The following PCDHGA2 variants were observed in gnomAD, a reference collection of about 807,000 sequenced individuals.
The protein encoded by PCDHGA2 is protocadherin gamma subfamily A, 2.
Under a neutral mutation model 59.2 loss-of-function variants are expected in PCDHGA2, and 40 were observed. That is an observed-to-expected ratio of 0.68 (90% CI 0.52 to 0.88). PCDHGA2 has a LOEUF of 0.88. Ranked by LOEUF, PCDHGA2 falls within the 40% of genes least tolerant of loss-of-function variation. The pLI is 0.00. For synonymous variants in PCDHGA2, 560 were observed against 526.0 expected (o/e 1.06, Z -0.89); for missense variants, 1,226 against 1,204.0 (o/e 1.02, Z -0.27).
chr5:141,400,743 C>G (rs1404866842), intron 1 of PCDHGA2: 1 of 611,332 alleles, frequency 1.6e-6, no homozygotes, highest in Non-Finnish European at 2.8e-6. Flanking sequence ...AGAGTTTGCT[C>G]TTAGCTTCCT....
intron 1 of PCDHGA2, chr5:141,376,398 A>C (rs1266114748): frequency 6.2e-7 from 1 of 1,614,080 alleles, no homozygotes; most frequent in Admixed American, 1.7e-5. Context: ...ATTTTCCCCC[A>C]GCCCAACTAT....
At chr5:141,356,338 G>T in intron 1 of PCDHGA2, 2 of 1,554,674 alleles carry the variant, frequency 1.3e-6, no homozygotes, top group Non-Finnish European at 1.7e-6. Flanking sequence ...AGGAGGAAAT[G>T]GCCTAGTCAC....
chr5:141,382,592 A>C (rs1264942970), intron 1 of PCDHGA2: 2 of 246,462 alleles, frequency 8.1e-6, no homozygotes, highest in Non-Finnish European at 1.5e-5. Flanking sequence ...TTGAAAGATG[A>C]AACAATTTTC....
In PCDHGA2 at chr5:141,495,260, G is replaced by A. The variant is rs368797742; in HGVS notation, c.2483+395G>A. On this transcript the variant is annotated intron_variant, in intron 2 of 3. Transcript: ENST00000394576. ...TATGACCTGGGGCTCAGGCAGAAAA[G>A]CATTTGACCGGAGGAGGCGGTCCGC... Among the ~76,000 whole-genome samples the A allele has an allele frequency of 3.3e-5, 5 of 152,208 alleles. No individual in the cohort carries two copies. The East Asian group carries it at 5.8e-4, about 18-fold the overall frequency.
chr5:141,365,656 A>G (rs923075599), intron 1 of PCDHGA2: 1 of 1,613,518 alleles, frequency 6.2e-7, no homozygotes, highest in Admixed American at 1.7e-5. Flanking sequence ...CCTTGAAAGT[A>G]GCAGACGTTA....
chr5:141,376,384 T>G, intron 1 of PCDHGA2: 1 of 1,614,204 alleles, frequency 6.2e-7, no homozygotes, highest in South Asian at 1.1e-5. Flanking sequence ...GTAAGAGTCA[T>G]CTGATTTTCC....
At position 141,499,506 on chromosome 5, in the gene PCDHGA2, CA is replaced by C. The variant is rs759983739; in HGVS notation, c.2483+4644del. Among the ~76,000 whole-genome samples, 6 of 152,086 alleles carry C rather than the reference CA, an allele frequency of 3.9e-5. No homozygotes were observed. The South Asian group carries it at 1.0e-3, about 26-fold the overall frequency. On this transcript the variant is annotated intron_variant, in intron 2 of 3. Coordinates refer to ENST00000394576, the MANE Select transcript of PCDHGA2 (RefSeq NM_018915.4). Reference sequence around the variant, plus strand: ...AACTACAGTTTAATATGAAACATTTCAAATATGTACAAAAGTAGAGAGAATG... The same window carrying C: ...AACTACAGTTTAATATGAAACATTTCAATATGTACAAAAGTAGAGAGAATG...
chr5:141,490,611 G>A lies in PCDHGA2; in HGVS notation c.2425-4196G>A, dbSNP rs1442281165. 1 of 1,614,052 alleles carries A rather than the reference G, an allele frequency of 6.2e-7. No homozygotes were observed. The highest frequency in any genetic ancestry group is 1.3e-5 in the African/African-American group (1 of 74,914). On this transcript the variant is annotated intron_variant, in intron 1 of 3. Coordinates refer to ENST00000394576, the MANE Select transcript of PCDHGA2 (RefSeq NM_018915.4). This position sits in a 1 kb window ranked among gnomAD's most constrained non-coding sequence, Gnocchi z 5.4. ...ACAATGCACCCCGCTTCAACCAGCA[G>A]CTTTACACTGCTTACATCCTAGAAA...
chr5:141,478,096 T>C (rs749277013), intron 1 of PCDHGA2: 1 of 1,614,074 alleles, frequency 6.2e-7, no homozygotes, highest in South Asian at 1.1e-5. Context: ...CCACCACTGC[T>C]ACCCTCACTG....
intron 1 of PCDHGA2, among the ~76,000 whole-genome samples, chr5:141,353,136 C>A (rs1301733599): frequency 6.6e-6 from 1 of 151,954 alleles, no homozygotes; most frequent in Admixed American, 6.6e-5. Context: ...GCTCAGTAGT[C>A]TTGGCAATTT....
rs200109598 is a variant in PCDHGA2 at position 141,388,741 on chromosome 5, A to C, written c.2424+47346A>C. ...ACTTTCTCTTTCAGTGAAGCTAGCC[A>C]GATCACCCAATTTGACCTGAACTCT... is the stretch of plus-strand genomic sequence containing the variant. On this transcript the variant is annotated intron_variant, in intron 1 of 3. Transcript: ENST00000394576. The C allele has an allele frequency of 1.3e-4, 203 of 1,613,906 alleles. No individual in the cohort carries two copies. The highest frequency in any genetic ancestry group is 1.7e-4 in the Non-Finnish European group (198 of 1,179,898).
chr5:141,446,222 G>C (rs74509878), intron 1 of PCDHGA2, among the ~76,000 whole-genome samples: 7,034 of 152,204 alleles, frequency 0.046, 244 homozygotes, highest in African/African-American at 0.093. Flanking sequence ...ATATTGTTGT[G>C]TTGCCTGGCA....
intron 1 of PCDHGA2, chr5:141,418,087 C>G (rs2096220274): frequency 6.2e-7 from 1 of 1,613,894 alleles, no homozygotes; most frequent in African/African-American, 1.3e-5. Context: ...TGCACTTCAG[C>G]GTAGACGCGC....
At chr5:141,488,031 A>G (rs1475176300) in intron 1 of PCDHGA2, among the ~76,000 whole-genome samples, 1 of 152,122 alleles carries the variant, frequency 6.6e-6, no homozygotes, top group Non-Finnish European at 1.5e-5. Context: ...CTAGGTTACC[A>G]TTTCCCAAGG....
At chr5:141,356,064 A>G (rs1760093561) in intron 1 of PCDHGA2, 1 of 1,613,926 alleles carries the variant, frequency 6.2e-7, no homozygotes, top group Non-Finnish European at 8.5e-7. Context: ...GAGACAAAAT[A>G]TCACAGCTAT....
At chr5:141,351,094 C>G (rs753597270) in intron 1 of PCDHGA2, 1 of 1,614,060 alleles carries the variant, frequency 6.2e-7, no homozygotes, top group East Asian at 2.2e-5. Context: ...CCTATGCCTT[C>G]CTCAATTCCC....
chr5:141,461,389 G>T (rs2099014363), intron 1 of PCDHGA2, among the ~76,000 whole-genome samples: 1 of 152,110 alleles, frequency 6.6e-6, no homozygotes. Context: ...CTGATGATTA[G>T]CGATGTTGAG....
At chr5:141,409,424 G>A in intron 1 of PCDHGA2, 1 of 1,613,998 alleles carries the variant, frequency 6.2e-7, no homozygotes, top group Non-Finnish European at 8.5e-7. Context: ...GGTGACAGAT[G>A]GAGCCCTGGA....
chr5:141,383,417 G>T lies in PCDHGA2; in HGVS notation c.2424+42022G>T. The T allele has an allele frequency of 1.9e-6, 3 of 1,614,014 alleles. No homozygotes were observed. In the South Asian group the frequency reaches 3.3e-5, roughly 18 times the overall value. On this transcript the variant is annotated intron_variant, in intron 1 of 3. Transcript: ENST00000394576. ...AACTCCCTCCAGAGTTACCAGCTCA[G>T]CCCCAATCGCCACTTCTCCCTGGCT...
Sources: allele counts gnomAD v4.1 joint callset (sites outside exome capture counted in the v4.1 genomes callset), GRCh38; gene constraint gnomAD v4.1.1; non-coding constraint Gnocchi (gnomAD v3.1); transcripts MANE v1.5; gene names NCBI Gene and HGNC (gene_info 2026-07-23, HGNC 2026-07-21).